The following CTNND2 variants were observed in gnomAD, a reference collection of about 807,000 sequenced individuals.
CTNND2 encodes catenin delta 2.
Under a neutral mutation model 144.4 loss-of-function variants are expected in CTNND2, and 22 were observed. That is an observed-to-expected ratio of 0.15 (90% CI 0.11 to 0.22). The LOEUF is 0.22. CTNND2 is among the 10% of genes least tolerant of loss of function. CTNND2 has a pLI of 1.00. For missense variants in CTNND2, 1,353 were observed against 1,618.8 expected, an observed-to-expected ratio of 0.84 and a Z score of 2.82; for synonymous variants, 751 against 695.6, an observed-to-expected ratio of 1.08 and a Z score of -1.25.
chr5:11,628,774 C>CA (rs879808880), intron 2 of CTNND2, among the ~76,000 whole-genome samples: 4,553 of 140,190 alleles, frequency 0.032, 165 homozygotes, highest in African/African-American at 0.08. Flanking sequence ...GGAAAGTGTC[C>CA]AAAAAAAAAA....
intron 16 of CTNND2, among the ~76,000 whole-genome samples, chr5:11,026,966 G>A (rs1742898140): frequency 1.3e-5 from 2 of 152,110 alleles, no homozygotes; most frequent in Non-Finnish European, 2.9e-5. Context: ...TAATATTAAT[G>A]GATAAATTGA....
intron 18 of CTNND2, among the ~76,000 whole-genome samples, chr5:10,994,440 A>G (rs1579980998): frequency 1.0e-3 from 28 of 27,228 alleles, no homozygotes; most frequent in African/African-American, 1.3e-3. Flanking sequence ...AGGGGTGGGG[A>G]AAGAGGAGCG....
intron 11 of CTNND2, among the ~76,000 whole-genome samples, chr5:11,166,050 C>A (rs1759291771): frequency 1.3e-5 from 2 of 151,904 alleles, no homozygotes; most frequent in South Asian, 4.2e-4. Flanking sequence ...CAAACCAAGC[C>A]CAAAGGAAAG....
chr5:11,588,334 A>G (rs1779011150), intron 2 of CTNND2, among the ~76,000 whole-genome samples: 1 of 152,064 alleles, frequency 6.6e-6, no homozygotes, highest in Admixed American at 6.5e-5. Flanking sequence ...AAAAAGACCT[A>G]CAATTTCCAA....
intron 18 of CTNND2, among the ~76,000 whole-genome samples, chr5:11,017,360 T>A (rs1741721328): frequency 6.6e-6 from 1 of 151,970 alleles, no homozygotes; most frequent in African/African-American, 2.4e-5. Context: ...GAGGAACAAA[T>A]GCCGAGCATC....
chr5:11,001,691 C>T (rs966961302), intron 18 of CTNND2, among the ~76,000 whole-genome samples: 4 of 152,220 alleles, frequency 2.6e-5, no homozygotes, highest in Admixed American at 2.6e-4. Context: ...TCATCTTCTG[C>T]TGTTGGTAGA....
chr5:10,980,419 G>C (rs571925325), intron 21 of CTNND2, among the ~76,000 whole-genome samples: 27 of 152,338 alleles, frequency 1.8e-4, no homozygotes, highest in Non-Finnish European at 3.8e-4. Context: ...AGGATGTGGA[G>C]AAATAGGAAC....
intron 16 of CTNND2, among the ~76,000 whole-genome samples, chr5:11,074,846 C>T (rs1323009419): frequency 1.3e-5 from 2 of 152,070 alleles, no homozygotes; most frequent in Non-Finnish European, 2.9e-5. Flanking sequence ...GAATCTTTGT[C>T]CGGAAACAGT....
chr5:11,555,043 T>C lies in CTNND2; in HGVS notation c.287+9901A>G, dbSNP rs533095605. Among the ~76,000 whole-genome samples, 96 of 152,250 alleles carry C rather than the reference T, an allele frequency of 6.3e-4. 2 individuals are homozygous for C. The highest frequency in any genetic ancestry group is 1.9e-3 in the African/African-American group (78 of 41,558). ...TACTTAAGATTAATAAGACTGGTGA[T>C]ACTGCCAAACAATACCAATGAGATA... On this transcript the variant is annotated intron_variant, in intron 3 of 21. Coordinates refer to ENST00000304623, the MANE Select transcript of CTNND2 (RefSeq NM_001332.4).
chr5:11,682,159 C>T lies in CTNND2; in HGVS notation c.174+49977G>A, dbSNP rs1784446128. Among the ~76,000 whole-genome samples, 7 of 152,228 alleles carry T rather than the reference C, an allele frequency of 4.6e-5. 1 individual carries two copies. The highest frequency in any genetic ancestry group is 3.9e-4 in the Admixed American group (6 of 15,286). ...CTCTGGTTTCTACAAAGAAGACATG[C>T]ATCGGCGGCACACTGGTTTAACGTA... On this transcript the variant is annotated intron_variant, in intron 2 of 21. Transcript: ENST00000304623.
At chr5:11,817,424 A>G (rs868773353) in intron 1 of CTNND2, among the ~76,000 whole-genome samples, 10 of 824 alleles carry the variant, frequency 0.012, no homozygotes, top group African/African-American at 0.019. Context: ...AGAGAGAGAG[A>G]GAGAGAGAGA....
At chr5:11,445,013 G>A (rs778879633) in intron 3 of CTNND2, among the ~76,000 whole-genome samples, 6 of 152,120 alleles carry the variant, frequency 3.9e-5, no homozygotes, top group East Asian at 1.9e-4. Flanking sequence ...AGTTTCCTAC[G>A]GCTGCAGTAC....
At chr5:11,402,542 T>C (rs10513089) in intron 5 of CTNND2, among the ~76,000 whole-genome samples, 5,791 of 152,328 alleles carry the variant, frequency 0.038, 362 homozygotes, top group African/African-American at 0.13. Flanking sequence ...CAGAAGAACT[T>C]GCCCATTTAC....
intron 2 of CTNND2, among the ~76,000 whole-genome samples, chr5:11,601,873 C>T (rs1431556778): frequency 1.3e-5 from 2 of 152,058 alleles, no homozygotes; most frequent in African/African-American, 2.4e-5. Context: ...TACTTAGGTA[C>T]TGCTCATTAA....
chr5:11,556,603 G>C (rs1269679719), intron 3 of CTNND2, among the ~76,000 whole-genome samples: 1 of 152,074 alleles, frequency 6.6e-6, no homozygotes, highest in African/African-American at 2.4e-5. Context: ...TGCATATGTG[G>C]AAAAGATTTT....
chr5:11,286,025 T>G (rs1304126664), intron 9 of CTNND2, among the ~76,000 whole-genome samples: 2 of 152,114 alleles, frequency 1.3e-5, no homozygotes, highest in East Asian at 3.9e-4. Flanking sequence ...GAAAAATAAG[T>G]GCTTTTCCAG....
chr5:11,216,645 C>G (rs1739231271), intron 10 of CTNND2, among the ~76,000 whole-genome samples: 1 of 152,214 alleles, frequency 6.6e-6, no homozygotes, highest in Non-Finnish European at 1.5e-5. Context: ...CCCAGAGCTA[C>G]CAGATAGTAA....
chr5:11,596,280 G>A (rs993136713), intron 2 of CTNND2, among the ~76,000 whole-genome samples: 1 of 152,038 alleles, frequency 6.6e-6, no homozygotes, highest in African/African-American at 2.4e-5. Context: ...TCAATTTTTT[G>A]CATAATTAGC....
intron 14 of CTNND2, among the ~76,000 whole-genome samples, chr5:11,110,251 G>C (rs1752828566): frequency 6.6e-6 from 1 of 152,130 alleles, no homozygotes; most frequent in Admixed American, 6.5e-5. Context: ...TGCAGCAGGT[G>C]AGGGCCATTC....
Sources: gnomAD v4.1 joint callset for allele counts (sites outside exome capture counted in the v4.1 genomes callset) on GRCh38, gnomAD v4.1.1 for gene constraint, MANE v1.5 for transcripts, NCBI Gene and HGNC (gene_info 2026-07-23, HGNC 2026-07-21) for gene names.